Variants in ZNF892 observed in about 807,000 individuals in gnomAD.
The protein encoded by ZNF892 is zinc finger protein 892, also known as zinc finger protein 570-like.
chr2:95,250,154 G>A, the ZNF892 span, among the ~76,000 whole-genome samples: 2,095 of 151,966 alleles, frequency 0.014, 19 homozygotes, highest in Middle Eastern at 0.024. Flanking sequence ...TGTTTTCTTC[G>A]TTTTTCTTTT....
chr2:95,211,025 G>C, the ZNF892 span, among the ~76,000 whole-genome samples: 1 of 152,104 alleles, frequency 6.6e-6, no homozygotes, highest in East Asian at 1.9e-4. Context: ...CCAACTGGGG[G>C]ACGCGGGCAG....
At chr2:95,214,836 C>T in the ZNF892 span, 1 of 492,730 alleles carries the variant, frequency 2.0e-6, no homozygotes, top group South Asian at 5.7e-5. Flanking sequence ...TACTCTGCAC[C>T]AGAGAATTCA....
At chr2:95,255,342 T>A in the ZNF892 span, among the ~76,000 whole-genome samples, 1 of 152,226 alleles carries the variant, frequency 6.6e-6, no homozygotes, top group African/African-American at 2.4e-5. Context: ...ACATACCCAG[T>A]AGTCATTCAG....
the ZNF892 span, among the ~76,000 whole-genome samples, chr2:95,261,452 G>A: frequency 6.6e-6 from 1 of 152,104 alleles, no homozygotes; most frequent in African/African-American, 2.4e-5. Flanking sequence ...CCGCCACCAT[G>A]CCCAACTAAT....
chr2:95,209,757 T>C, the ZNF892 span, among the ~76,000 whole-genome samples: 1 of 152,154 alleles, frequency 6.6e-6, no homozygotes, highest in Admixed American at 6.5e-5. Flanking sequence ...GAGGTTTTCT[T>C]AGGGAACTGA....
chr2:95,231,602 G>A, the ZNF892 span, among the ~76,000 whole-genome samples: 1 of 152,142 alleles, frequency 6.6e-6, no homozygotes, highest in Non-Finnish European at 1.5e-5. Flanking sequence ...CAAAAAGGAA[G>A]GACAGAAATA....
chr2:95,240,130 A>C, the ZNF892 span, among the ~76,000 whole-genome samples: 8 of 152,040 alleles, frequency 5.3e-5, no homozygotes, highest in Non-Finnish European at 2.9e-5. Context: ...AAAAAAAAAA[A>C]GACTTTATTT....
At chr2:95,244,763 A>C in the ZNF892 span, among the ~76,000 whole-genome samples, 1 of 152,190 alleles carries the variant, frequency 6.6e-6, no homozygotes, top group Admixed American at 6.5e-5. Flanking sequence ...CGTGGCATAT[A>C]CTCTAAAATT....
chr2:95,244,214 C>G, the ZNF892 span, among the ~76,000 whole-genome samples: 1 of 149,558 alleles, frequency 6.7e-6, no homozygotes, highest in East Asian at 2.0e-4. Context: ...CGGAAGGCCG[C>G]AGGGTCCTCT....
chr2:95,258,961 G>A, the ZNF892 span: 1 of 152,208 alleles, frequency 6.6e-6, no homozygotes, highest in Non-Finnish European at 1.5e-5. Flanking sequence ...GGAAAGAAAT[G>A]GCAAGAACTG....
At chr2:95,233,062 C>G in the ZNF892 span, among the ~76,000 whole-genome samples, 1 of 152,190 alleles carries the variant, frequency 6.6e-6, no homozygotes, top group Non-Finnish European at 1.5e-5. Context: ...GGGACGACTT[C>G]AGGTCACCTC....
At chr2:95,215,896 C>T in the ZNF892 span, among the ~76,000 whole-genome samples, 11 of 152,226 alleles carry the variant, frequency 7.2e-5, no homozygotes, top group East Asian at 5.8e-4. Context: ...ATGGTGGAAA[C>T]GGGACATCTT....
chr2:95,234,711 A>C, the ZNF892 span, among the ~76,000 whole-genome samples: 1 of 152,246 alleles, frequency 6.6e-6, no homozygotes, highest in Non-Finnish European at 1.5e-5. Flanking sequence ...CTCCAACTCC[A>C]CGGGGGCCCT....
the ZNF892 span, among the ~76,000 whole-genome samples, chr2:95,254,292 C>T: frequency 3.9e-5 from 6 of 151,914 alleles, no homozygotes; most frequent in Middle Eastern, 6.4e-3. Context: ...TAGCATGAAG[C>T]GTTGTTGAAT....
chr2:95,255,339 C>T, the ZNF892 span, among the ~76,000 whole-genome samples: 3 of 152,268 alleles, frequency 2.0e-5, no homozygotes, highest in East Asian at 5.8e-4. Context: ...GTTACATACC[C>T]AGTAGTCATT....
chr2:95,249,721 A>G, the ZNF892 span, among the ~76,000 whole-genome samples: 2 of 152,126 alleles, frequency 1.3e-5, no homozygotes, highest in Non-Finnish European at 2.9e-5. Context: ...TTTGGATGTG[A>G]CAAAAATAAC....
At chr2:95,250,706 A>C in the ZNF892 span, among the ~76,000 whole-genome samples, 1 of 143,000 alleles carries the variant, frequency 7.0e-6, no homozygotes, top group African/African-American at 2.5e-5. Context: ...TAAATTTATA[A>C]ATATAAAATA....
At chr2:95,243,465 C>G in the ZNF892 span, among the ~76,000 whole-genome samples, 1 of 151,962 alleles carries the variant, frequency 6.6e-6, no homozygotes, top group African/African-American at 2.4e-5. Context: ...GCCCGGCCGC[C>G]CATCGTCTGA....
chr2:95,235,991 T>C, the ZNF892 span, among the ~76,000 whole-genome samples: 1 of 152,190 alleles, frequency 6.6e-6, no homozygotes, highest in Non-Finnish European at 1.5e-5. Context: ...AGAGATCTCC[T>C]GAACTGCTTG....
Sources: gnomAD v4.1 joint callset for allele counts (sites outside exome capture counted in the v4.1 genomes callset) on GRCh38, gnomAD v4.1.1 for gene constraint, MANE v1.5 for transcripts, NCBI Gene and HGNC (gene_info 2026-07-23, HGNC 2026-07-21) for gene names.